The following AIG1 variants were observed in gnomAD, a reference collection of about 807,000 sequenced individuals.
AIG1 encodes androgen-induced gene 1 protein.
In AIG1, 23 loss-of-function variants were observed where a neutral mutation model predicts 31.4. The observed-to-expected ratio is 0.73, with a 90% CI of 0.53 to 1.04. The LOEUF (loss-of-function observed/expected upper bound fraction) is 1.04. Ranked by LOEUF, AIG1 falls within the 50% of genes least tolerant of loss-of-function variation. The pLI, the probability that AIG1 is intolerant of heterozygous loss-of-function variation, is 0.00. For synonymous variants in AIG1, 100 were observed against 110.5 expected, an observed-to-expected ratio of 0.90 and a Z score of 0.60; for missense variants, 274 against 295.0, an observed-to-expected ratio of 0.93 and a Z score of 0.52.
At chr6:143,088,848 T>C (rs777200288) in intron 1 of AIG1, among the ~76,000 whole-genome samples, 2 of 152,180 alleles carry the variant, frequency 1.3e-5, no homozygotes, top group Admixed American at 6.5e-5. Context: ...TAATTGTAAA[T>C]GATGGAAGAA....
chr6:143,086,301 C>A (rs1397262666), intron 1 of AIG1, among the ~76,000 whole-genome samples: 2 of 152,120 alleles, frequency 1.3e-5, no homozygotes, highest in Admixed American at 1.3e-4. Flanking sequence ...TTTAAATTTA[C>A]CCTGGCTTTT....
chr6:143,187,173 T>C (rs1789339465), intron 3 of AIG1, among the ~76,000 whole-genome samples: 1 of 152,226 alleles, frequency 6.6e-6, no homozygotes, highest in Non-Finnish European at 1.5e-5. Flanking sequence ...CCTTAAAAGC[T>C]GATATAAAAT....
At chr6:143,076,725 T>G (rs1405223853) in intron 1 of AIG1, among the ~76,000 whole-genome samples, 1 of 151,506 alleles carries the variant, frequency 6.6e-6, no homozygotes, top group African/African-American at 2.4e-5. Flanking sequence ...CAGGGTGTAG[T>G]GCAGTGGCAC....
intron 4 of AIG1, among the ~76,000 whole-genome samples, chr6:143,321,329 G>T (rs1289571042): frequency 6.6e-6 from 1 of 151,984 alleles, no homozygotes; most frequent in African/African-American, 2.4e-5. Context: ...GCCAGGCAAA[G>T]TGGCTCACAC....
chr6:143,160,356 A>G (rs113706438), intron 2 of AIG1, among the ~76,000 whole-genome samples: 25 of 152,156 alleles, frequency 1.6e-4, no homozygotes, highest in African/African-American at 4.8e-4. Flanking sequence ...CATGTGAGAG[A>G]CTCCTTTCAA....
At chr6:143,237,817 C>T (rs1289571371) in intron 3 of AIG1, among the ~76,000 whole-genome samples, 1 of 152,186 alleles carries the variant, frequency 6.6e-6, no homozygotes, top group Non-Finnish European at 1.5e-5. Flanking sequence ...TGAGAGAAAA[C>T]ATGACCAAAA....
intron 3 of AIG1, among the ~76,000 whole-genome samples, chr6:143,241,259 G>C (rs1002439105): frequency 2.0e-5 from 3 of 152,216 alleles, no homozygotes; most frequent in African/African-American, 7.2e-5. Flanking sequence ...GAGAAACGCT[G>C]TTTCAGCGAA....
intron 3 of AIG1, among the ~76,000 whole-genome samples, chr6:143,175,025 A>C (rs1483731758): frequency 6.6e-6 from 1 of 152,166 alleles, no homozygotes; most frequent in African/African-American, 2.4e-5. Flanking sequence ...TTCTCTCAGC[A>C]TTTGTTTGTC....
At chr6:143,251,688 TG>T (rs1328766641) in intron 3 of AIG1, among the ~76,000 whole-genome samples, 1 of 152,204 alleles carries the variant, frequency 6.6e-6, no homozygotes, top group Non-Finnish European at 1.5e-5. Flanking sequence ...TAGATTCCTC[TG>T]GCCCCAGATG....
Position 143,061,052 on chromosome 6 carries a change from A to G in AIG1, c.127A>G (p.Thr43Ala), listed in dbSNP as rs766527244. 9 of 1,611,638 alleles carry G rather than the reference A, an allele frequency of 5.6e-6. No homozygotes were observed. The highest frequency in any genetic ancestry group is 5.9e-6 in the Non-Finnish European group (7 of 1,179,258). Residue 43 changes from threonine to alanine, a missense_variant, in exon 1 of 6, where the codon ACG becomes GCG. Transcript: ENST00000357847. ...QTYGGSWKFL[T>A]FIDLVIQAVF... ...CTACGGAGGGAGCTGGAAATTCCTG[A>G]CGTTCATTGATCTGGTAAGGCCGTC...
chr6:143,322,420 G>A (rs1264028856), intron 4 of AIG1, among the ~76,000 whole-genome samples: 3 of 152,150 alleles, frequency 2.0e-5, no homozygotes, highest in African/African-American at 7.2e-5. Context: ...CCGTTACAGT[G>A]CCTTGCTAAC....
At chr6:143,188,339 C>A in intron 3 of AIG1, 1 of 985,594 alleles carries the variant, frequency 1.0e-6, no homozygotes, top group Non-Finnish European at 1.2e-6. Flanking sequence ...TTTTACTGAG[C>A]GATGTATTTA....
Position 143,331,760 on chromosome 6 carries a change from G to A in AIG1, c.516-1522G>A, listed in dbSNP as rs1777093229. Among the ~76,000 whole-genome samples the A allele has an allele frequency of 1.3e-5, 2 of 151,606 alleles. No individual in the cohort carries two copies. Among genetic ancestry groups the A allele is most frequent in the Admixed American group, 6.6e-5 (1 of 15,216 alleles). On this transcript the variant is annotated intron_variant, in intron 4 of 5. Coordinates refer to ENST00000357847, the MANE Select transcript of AIG1 (RefSeq NM_016108.4). This position sits in a 1 kb window ranked among gnomAD's most constrained non-coding sequence, Gnocchi z 4.1. Reference sequence around the variant, plus strand: ...TGAATTTTCGCCTGCAAGAAGAGGGGGGATCTCACCCTCATTGATAACGCA... The same window carrying A: ...TGAATTTTCGCCTGCAAGAAGAGGGAGGATCTCACCCTCATTGATAACGCA...
chr6:143,143,555 A>ATATATATATATATATATG, intron 2 of AIG1, among the ~76,000 whole-genome samples: 2 of 118,268 alleles, frequency 1.7e-5, no homozygotes, highest in Non-Finnish European at 3.3e-5. Context: ...ATATATATAT[A>ATATATATATATATATATG]CACACACACT....
intron 1 of AIG1, among the ~76,000 whole-genome samples, chr6:143,089,363 A>G (rs1034216501): frequency 2.0e-5 from 3 of 152,140 alleles, no homozygotes; most frequent in Non-Finnish European, 4.4e-5. Context: ...TGGGAGTTAC[A>G]CTTAGTTTGA....
intron 4 of AIG1, among the ~76,000 whole-genome samples, chr6:143,323,739 C>T (rs1475174143): frequency 1.3e-5 from 2 of 152,138 alleles, no homozygotes; most frequent in Non-Finnish European, 2.9e-5. Context: ...CTCACAGCCA[C>T]GCAATCCCCA....
chr6:143,207,205 A>G (rs1382218719), intron 3 of AIG1, among the ~76,000 whole-genome samples: 1 of 152,090 alleles, frequency 6.6e-6, no homozygotes, highest in African/African-American at 2.4e-5. Context: ...ATTCCATTCC[A>G]TGAGTGTCTT....
intron 1 of AIG1, among the ~76,000 whole-genome samples, chr6:143,130,709 ACT>A (rs1783150510): frequency 6.6e-6 from 1 of 152,014 alleles, no homozygotes; most frequent in African/African-American, 2.4e-5. Flanking sequence ...ACAGAGCAAG[ACT>A]CTGTCTCAAG....
At chr6:143,190,319 A>G (rs1011289308) in intron 3 of AIG1, 1 of 985,344 alleles carries the variant, frequency 1.0e-6, no homozygotes, top group African/African-American at 1.7e-5. Context: ...GCCCAGGCCC[A>G]GTGAGCTTTT....
Sources: allele counts gnomAD v4.1 joint callset (sites outside exome capture counted in the v4.1 genomes callset), GRCh38; gene constraint gnomAD v4.1.1; non-coding constraint Gnocchi (gnomAD v3.1); transcripts MANE v1.5; gene names NCBI Gene and HGNC (gene_info 2026-07-23, HGNC 2026-07-21).